The following POP4 variants were observed in gnomAD, a reference collection of about 807,000 sequenced individuals.
The protein encoded by POP4 is ribonuclease P protein subunit p29.
Under a neutral mutation model 29.9 loss-of-function variants are expected in POP4, and 31 were observed. The ratio of observed to expected loss-of-function variants is 1.04; its 90% CI spans 0.78 to 1.40. The LOEUF is 1.40. Among genes scored for constraint, POP4 ranks in the 40% most tolerant of loss-of-function variants. POP4 has a pLI of 0.00. For missense variants in POP4, 286 were observed against 282.7 expected (o/e 1.01, Z -0.08); for synonymous variants, 110 against 108.2 (o/e 1.02, Z -0.10).
Position 29,616,156 on chromosome 19 carries a change from T to A in POP4, c.*776T>A, listed in dbSNP as rs755691795. ...CATCACCTCCCGAGGTGAGACCTGCTGCAAAAGCCAAGCCAGCAGCATTGA... is the reference window on the plus strand; with the variant it reads ...CATCACCTCCCGAGGTGAGACCTGCAGCAAAAGCCAAGCCAGCAGCATTGA... On this transcript the variant is annotated 3_prime_UTR_variant, in exon 7 of 7. Coordinates refer to ENST00000585603, the MANE Select transcript of POP4 (RefSeq NM_006627.3). 6.6e-6 allele frequency: 1 copy of A among 152,228 alleles called. No individual in the cohort carries two copies. Among genetic ancestry groups the A allele is most frequent in the Non-Finnish European group, 1.5e-5 (1 of 68,044 alleles). The allele number at this position is 152,228 out of a possible 1,614,324, so 9.4% of individuals were successfully genotyped here.
In POP4 at chr19:29,614,124, C is replaced by T. The variant is rs957030356; in HGVS notation, c.526+152C>T. On this transcript the variant is annotated intron_variant, in intron 6 of 6. Transcript: ENST00000585603. Reference sequence around the variant, plus strand: ...GAACCTGCATTAAAGCCTGCAGAGACCATCCCCTGCACCCGTGGCTCCCCC... The same window carrying T: ...GAACCTGCATTAAAGCCTGCAGAGATCATCCCCTGCACCCGTGGCTCCCCC... The T allele has an allele frequency of 3.6e-6, 5 of 1,397,064 alleles. No homozygotes were observed. The Admixed American group carries it at 9.0e-5, about 25-fold the overall frequency. The allele number at this position is 1,397,064 out of a possible 1,614,324, so 86.5% of individuals were successfully genotyped here.
At position 29,610,438 on chromosome 19, in the gene POP4, C is replaced by T. The variant is rs1382094332; in HGVS notation, c.90C>T (p.Phe30=). 5 of 1,580,970 alleles carry T rather than the reference C, an allele frequency of 3.2e-6. No homozygotes were observed. The highest frequency in any genetic ancestry group is 3.7e-5 in the Admixed American group (2 of 54,282). Residue 30 remains phenylalanine, a synonymous_variant, in exon 3 of 7, where the codon TTC becomes TTT. Coordinates refer to ENST00000585603, the MANE Select transcript of POP4 (RefSeq NM_006627.3). The stretch of plus-strand genomic sequence containing the variant: ...CAGGAGCACAGCGGGCCGAGGCCTT[C>T]GTGAGGGCCTTCCTGAAGCGCAGCA... ...QPSGAQRAEA[F]VRAFLKRSTP...
intron 6 of POP4, 143 bp from the exon 7 acceptor site, chr19:29,615,101 C>T: frequency 1.0e-6 from 1 of 985,704 alleles, no homozygotes; most frequent in East Asian, 2.7e-5. Context: ...CCCTAATGCC[C>T]CTCCCCTTGT....
chr19:29,612,915 C>T (rs1028571245), intron 5 of POP4, among the ~76,000 whole-genome samples: 1 of 152,218 alleles, frequency 6.6e-6, no homozygotes. Flanking sequence ...GAGCACGTTC[C>T]TTCCCTGCTT....
chr19:29,616,220 C>G lies in POP4; in HGVS notation c.*840C>G, dbSNP rs1311482323. 2 of 152,262 alleles carry G rather than the reference C, an allele frequency of 1.3e-5. No individual in the cohort carries two copies. Among genetic ancestry groups the G allele is most frequent in the Admixed American group, 1.3e-4 (2 of 15,288 alleles). 9.4% of individuals were successfully genotyped at this position (152,262 alleles called of 1,614,324 possible). A position where few individuals can be genotyped will look rare whatever the true frequency, so the allele number is the denominator to read the frequency against. ...CTTCGCCATTTTTGCTGCTGAAAGA[C>G]TTGGCTTTTCAGTCTGACCCTGGCC... On this transcript the variant is annotated 3_prime_UTR_variant, in exon 7 of 7. Coordinates refer to ENST00000585603, the MANE Select transcript of POP4 (RefSeq NM_006627.3).
rs367575924 is a variant in POP4 at position 29,612,192 on chromosome 19, G to A, written c.424+14G>A. 82 of 1,600,140 alleles carry A rather than the reference G, an allele frequency of 5.1e-5. No individual in the cohort carries two copies. Among genetic ancestry groups the A allele is most frequent in the Non-Finnish European group, 6.0e-5 (70 of 1,174,948 alleles). On this transcript the variant is annotated intron_variant, in intron 5 of 6. Transcript: ENST00000585603. The stretch of plus-strand genomic sequence containing the variant: ...CTATTATTTCAGGTAATTTACCTAA[G>A]AGCGTGTAGCACATGGCCATCCAGA...
chr19:29,610,052 G>A (rs1289546604), intron 2 of POP4, among the ~76,000 whole-genome samples: 1 of 152,184 alleles, frequency 6.6e-6, no homozygotes, highest in Non-Finnish European at 1.5e-5. Flanking sequence ...GAATATATTT[G>A]TTATACATTT....
At chr19:29,607,210 G>T (rs1429896808) in intron 1 of POP4, among the ~76,000 whole-genome samples, 3 of 151,822 alleles carry the variant, frequency 2.0e-5, no homozygotes, top group African/African-American at 4.8e-5. Context: ...GAGGCAGGGG[G>T]ATCACTTGAG....
intron 2 of POP4, among the ~76,000 whole-genome samples, chr19:29,609,838 C>T (rs1457225831): frequency 6.6e-6 from 1 of 152,070 alleles, no homozygotes; most frequent in East Asian, 1.9e-4. Flanking sequence ...GGGAGCGGAC[C>T]TTTTGGAGAG....
chr19:29,615,057 C>G (rs191540817), intron 6 of POP4, among the ~76,000 whole-genome samples, 187 bp from the exon 7 acceptor site: 45 of 152,262 alleles, frequency 3.0e-4, no homozygotes, highest in Admixed American at 7.8e-4. Context: ...TAGCATGTGA[C>G]TAGATTGACC....
At position 29,613,867 on chromosome 19, in the gene POP4, G is replaced by T. The variant is rs879110787; in HGVS notation, c.425-4G>T. On this transcript the variant is annotated splice_region_variant and splice_polypyrimidine_tract_variant and intron_variant, in intron 5 of 6. Coordinates refer to ENST00000585603, the MANE Select transcript of POP4 (RefSeq NM_006627.3). The stretch of plus-strand genomic sequence containing the variant: ...GAGCCTGGAACTGTCCTTTTTCTTT[G>T]CAGTGACAAAATCCAAATGCCCCTC... 1 of 1,609,460 alleles carries T rather than the reference G, an allele frequency of 6.2e-7. No homozygotes were observed. Among genetic ancestry groups the T allele is most frequent in the Non-Finnish European group, 8.5e-7 (1 of 1,178,350 alleles).
chr19:29,608,102 A>G (rs78127264), intron 1 of POP4, among the ~76,000 whole-genome samples: 1 of 152,172 alleles, frequency 6.6e-6, no homozygotes, highest in Non-Finnish European at 1.5e-5. Flanking sequence ...TTTTTAAACC[A>G]TGTGCTTGGA....
chr19:29,612,089 A>T (rs1407272591), intron 4 of POP4, 28 bp from the exon 5 acceptor site: 2 of 1,599,152 alleles, frequency 1.3e-6, no homozygotes, highest in African/African-American at 2.7e-5. Flanking sequence ...ATCATGATGT[A>T]AACCAAGGGC....
At position 29,610,626 on chromosome 19, in the gene POP4, A is replaced by G; in HGVS notation, c.278A>G (p.Gln93Arg). ...CGGCTCTTTGACATTAAACCAGAGC[A>G]GCAGAGGTAACCCGAGCTCCCCACG... The part of the protein sequence containing the change: ...ELRLFDIKPE[Q>R]QRYSLFLPLH... Residue 93 changes from glutamine (Q) to arginine (R), a missense_variant, in exon 3 of 7, where the codon CAG (glutamine) becomes CGG (arginine). Coordinates refer to ENST00000585603, the MANE Select transcript of POP4 (RefSeq NM_006627.3). The G allele has an allele frequency of 6.2e-7, 1 of 1,613,630 alleles. No individual in the cohort carries two copies. The highest frequency in any genetic ancestry group is 1.1e-5 in the South Asian group (1 of 90,982).
intron 5 of POP4, 142 bp from the exon 6 acceptor site, chr19:29,613,729 G>GC: frequency 7.6e-7 from 1 of 1,307,422 alleles, no homozygotes; most frequent in South Asian, 1.6e-5. Flanking sequence ...CAGCTGTTGA[G>GC]CCCCCACCCC....
Position 29,615,670 on chromosome 19 carries a change from A to G in POP4, c.*290A>G, listed in dbSNP as rs1429471768. 3.1e-6 allele frequency: 1 copy of G among 322,020 alleles called. No homozygotes were observed. Among genetic ancestry groups the G allele is most frequent in the Non-Finnish European group, 5.7e-6 (1 of 175,098 alleles). The allele number at this position is 322,020 out of a possible 1,614,324, so 19.9% of individuals were successfully genotyped here. On this transcript the variant is annotated 3_prime_UTR_variant, in exon 7 of 7. Transcript: ENST00000585603. ...CCGGGGTTAACACTGGTTGACTTGA[A>G]TAGGATTATTCGATTTTTAAAAATA...
intron 3 of POP4, chr19:29,611,049 A>G: frequency 5.0e-6 from 1 of 200,822 alleles, no homozygotes; most frequent in Non-Finnish European, 1.0e-5. Context: ...TCCAAAAGGA[A>G]TGCATCACTG....
Position 29,612,196 on chromosome 19 carries a change from G to T in POP4, c.424+18G>T, listed in dbSNP as rs546064463. Reference sequence around the variant, plus strand: ...TATTTCAGGTAATTTACCTAAGAGCGTGTAGCACATGGCCATCCAGAGGTT... The same window carrying T: ...TATTTCAGGTAATTTACCTAAGAGCTTGTAGCACATGGCCATCCAGAGGTT... On this transcript the variant is annotated intron_variant, in intron 5 of 6. Transcript: ENST00000585603. 1 of 1,594,260 alleles carries T rather than the reference G, an allele frequency of 6.3e-7. No homozygotes were observed. Among genetic ancestry groups the T allele is most frequent in the East Asian group, 2.2e-5 (1 of 44,812 alleles).
chr19:29,614,596 CG>C (rs1971110181), intron 6 of POP4, among the ~76,000 whole-genome samples: 3 of 151,570 alleles, frequency 2.0e-5, no homozygotes, highest in South Asian at 2.1e-4. Context: ...CCTCCACTCC[CG>C]GATTCAAGGG....
Sources: gnomAD v4.1 joint callset for allele counts (sites outside exome capture counted in the v4.1 genomes callset) on GRCh38, gnomAD v4.1.1 for gene constraint, MANE v1.5 for transcripts, NCBI Gene and HGNC (gene_info 2026-07-23, HGNC 2026-07-21) for gene names.